CSRNP3: variants seen among roughly 807,000 people sequenced by gnomAD.
CSRNP3 encodes the protein cysteine/serine-rich nuclear protein 3.
CSRNP3 carries 12 observed loss-of-function variants against 48.0 expected under a neutral mutation model. The ratio of observed to expected loss-of-function variants is 0.25; its 90% CI spans 0.16 to 0.41. The LOEUF (loss-of-function observed/expected upper bound fraction) is 0.41. Among genes scored for constraint, CSRNP3 ranks in the 10% least tolerant of loss-of-function variants. The pLI is 1.00. For synonymous variants in CSRNP3, 263 were observed against 269.7 expected (o/e 0.98, Z 0.24); for missense variants, 580 against 724.4 (o/e 0.80, Z 2.29).
intron 2 of CSRNP3, among the ~76,000 whole-genome samples, chr2:165,517,477 A>G (rs2105231830): frequency 6.6e-6 from 1 of 152,042 alleles, no homozygotes; most frequent in East Asian, 1.9e-4. Flanking sequence ...AAAAGCTACA[A>G]CATTTTGGTT....
intron 4 of CSRNP3, among the ~76,000 whole-genome samples, chr2:165,612,938 G>A (rs1383848299): frequency 6.6e-6 from 1 of 152,022 alleles, no homozygotes; most frequent in Non-Finnish European, 1.5e-5. Context: ...ATATCCATTA[G>A]TGGGATTACT....
intron 3 of CSRNP3, among the ~76,000 whole-genome samples, chr2:165,540,042 C>A (rs1340369308): frequency 6.6e-6 from 1 of 152,114 alleles, no homozygotes; most frequent in East Asian, 1.9e-4. Flanking sequence ...TAGTCCATCC[C>A]CAATAAAATG....
At chr2:165,642,155 T>C (rs1400163469) in intron 4 of CSRNP3, among the ~76,000 whole-genome samples, 1 of 148,258 alleles carries the variant, frequency 6.7e-6, no homozygotes, top group Non-Finnish European at 1.5e-5. Flanking sequence ...CACGGTATAA[T>C]GTATGTATTG....
chr2:165,659,062 C>A (rs907529025), intron 5 of CSRNP3, among the ~76,000 whole-genome samples: 2 of 152,086 alleles, frequency 1.3e-5, no homozygotes, highest in Non-Finnish European at 2.9e-5. Flanking sequence ...TCCTCTACTT[C>A]CTAAGGCCAT....
At chr2:165,594,425 T>C (rs1165293239) in intron 3 of CSRNP3, among the ~76,000 whole-genome samples, 1 of 152,180 alleles carries the variant, frequency 6.6e-6, no homozygotes, top group Non-Finnish European at 1.5e-5. Flanking sequence ...ATCCATTCTC[T>C]ACCCATAGGC....
intron 1 of CSRNP3, among the ~76,000 whole-genome samples, chr2:165,475,297 A>G (rs1683946133): frequency 1.3e-5 from 2 of 152,212 alleles, no homozygotes; most frequent in Non-Finnish European, 2.9e-5. Context: ...ATCCAAATCA[A>G]TAAGGGCCCC....
At chr2:165,505,662 C>T (rs915165841) in intron 2 of CSRNP3, among the ~76,000 whole-genome samples, 6 of 151,860 alleles carry the variant, frequency 4.0e-5, no homozygotes, top group Admixed American at 1.3e-4. Context: ...TAAAAGGCTG[C>T]GAGGAATTAC....
At chr2:165,577,162 A>G (rs1685465661) in intron 3 of CSRNP3, among the ~76,000 whole-genome samples, 1 of 151,802 alleles carries the variant, frequency 6.6e-6, no homozygotes, top group African/African-American at 2.4e-5. Context: ...AAAAAACAAA[A>G]CTAAATTACT....
intron 4 of CSRNP3, among the ~76,000 whole-genome samples, chr2:165,612,972 T>C (rs1179782769): frequency 2.0e-5 from 3 of 152,144 alleles, no homozygotes; most frequent in Non-Finnish European, 4.4e-5. Flanking sequence ...GTTATATTTG[T>C]AGTTTTTTAA....
chr2:165,637,657 G>A (rs1413697621), intron 4 of CSRNP3, among the ~76,000 whole-genome samples: 2 of 152,192 alleles, frequency 1.3e-5, no homozygotes, highest in African/African-American at 4.8e-5. Flanking sequence ...AAGTGCCAGA[G>A]TATAAGATGA....
intron 5 of CSRNP3, among the ~76,000 whole-genome samples, chr2:165,673,330 G>T (rs983030360): frequency 3.3e-5 from 5 of 151,686 alleles, no homozygotes; most frequent in Non-Finnish European, 5.9e-5. Flanking sequence ...CAGAGATGTG[G>T]TTTTGCCATG....
At chr2:165,568,756 G>T (rs887810854) in intron 3 of CSRNP3, among the ~76,000 whole-genome samples, 14 of 151,954 alleles carry the variant, frequency 9.2e-5, no homozygotes, top group Non-Finnish European at 1.9e-4. Context: ...GAATTGCAAA[G>T]AATTTGTAGC....
intron 1 of CSRNP3, among the ~76,000 whole-genome samples, chr2:165,480,261 G>T (rs573081823): frequency 6.6e-6 from 1 of 152,078 alleles, no homozygotes; most frequent in Non-Finnish European, 1.5e-5. Context: ...AAGCCCACCC[G>T]CATAATCTCC....
chr2:165,523,827 G>A (rs72877721), intron 3 of CSRNP3, among the ~76,000 whole-genome samples: 1 of 152,120 alleles, frequency 6.6e-6, no homozygotes, highest in Admixed American at 6.5e-5. Flanking sequence ...AAAAGTTCTT[G>A]ATATTTTACT....
intron 4 of CSRNP3, among the ~76,000 whole-genome samples, chr2:165,613,739 T>C (rs902040741): frequency 1.3e-5 from 2 of 151,904 alleles, no homozygotes; most frequent in Non-Finnish European, 2.9e-5. Flanking sequence ...GGGTCTTCTG[T>C]TCTGTTCCAG....
At chr2:165,582,833 A>G (rs1685570064) in intron 3 of CSRNP3, among the ~76,000 whole-genome samples, 1 of 152,232 alleles carries the variant, frequency 6.6e-6, no homozygotes, top group Non-Finnish European at 1.5e-5. Context: ...CAAATCATCA[A>G]ACTGCGGAAA....
At chr2:165,654,374 T>C (rs7569183) in intron 4 of CSRNP3, among the ~76,000 whole-genome samples, 5,466 of 152,280 alleles carry the variant, frequency 0.036, 281 homozygotes, top group African/African-American at 0.11. Context: ...AGTACAGGTG[T>C]GTTACAATGA....
intron 2 of CSRNP3, among the ~76,000 whole-genome samples, chr2:165,509,775 A>G (rs1211778391): frequency 6.6e-6 from 1 of 151,828 alleles, no homozygotes; most frequent in African/African-American, 2.4e-5. Context: ...CAAGGTACAG[A>G]CTCTTCAGCT....
At chr2:165,567,265 A>G (rs1361300645) in intron 3 of CSRNP3, among the ~76,000 whole-genome samples, 3 of 152,130 alleles carry the variant, frequency 2.0e-5, no homozygotes, top group African/African-American at 7.2e-5. Context: ...TAAGAAATAA[A>G]TGTATCTTTT....
Sources: allele counts gnomAD v4.1 joint callset (sites outside exome capture counted in the v4.1 genomes callset), GRCh38; gene constraint gnomAD v4.1.1; transcripts MANE v1.5; gene names NCBI Gene and HGNC (gene_info 2026-07-23, HGNC 2026-07-21).